Variants in CD59 observed in about 807,000 individuals in gnomAD.
CD59 encodes the protein CD59 glycoprotein.
CD59 carries 3 observed loss-of-function variants against 7.0 expected under a neutral mutation model. The observed-to-expected ratio is 0.43, with a 90% confidence interval of 0.19 to 1.10. CD59 has a LOEUF of 1.10. Among genes scored for constraint, CD59 ranks in the 50% least tolerant of loss-of-function variants. The pLI is 0.29. For synonymous variants in CD59, 60 were observed against 62.0 expected (o/e 0.97, Z 0.15); for missense variants, 143 against 151.0 (o/e 0.95, Z 0.28).
intron 3 of CD59, among the ~76,000 whole-genome samples, chr11:33,714,155 T>C (rs1240804545): frequency 2.0e-5 from 3 of 152,236 alleles, no homozygotes; most frequent in African/African-American, 7.2e-5. Context: ...TTACTTTGTA[T>C]AGCACCATCA....
intron 1 of CD59, among the ~76,000 whole-genome samples, chr11:33,727,424 CAT>C (rs1296179611): frequency 6.6e-6 from 1 of 152,210 alleles, no homozygotes; most frequent in Admixed American, 6.5e-5. Context: ...ACAAAAACCA[CAT>C]GATTATCTCA....
Position 33,717,641 on chromosome 11 carries a change from A to T in CD59, c.68-170T>A, listed in dbSNP as rs546588054. The T allele has an allele frequency of 6.3e-6, 4 of 633,922 alleles. No individual in the cohort carries two copies. In the South Asian group the frequency reaches 6.7e-5, roughly 11 times the overall value. 39.3% of individuals were successfully genotyped at this position (633,922 alleles called of 1,614,324 possible). On this transcript the variant is annotated intron_variant, in intron 2 of 3. Transcript: ENST00000642928. ...CCAAATTCAAACTACAGTTCCAGCA[A>T]CATTTTTTGGACCCTGATGCAAGCA...
At chr11:33,724,978 T>TG (rs1202261998) in intron 1 of CD59, among the ~76,000 whole-genome samples, 2 of 151,940 alleles carry the variant, frequency 1.3e-5, no homozygotes, top group Non-Finnish European at 2.9e-5. Flanking sequence ...TGTATGTGTA[T>TG]GGGGGGCGGA....
intron 1 of CD59, among the ~76,000 whole-genome samples, chr11:33,732,698 C>T (rs1854454612): frequency 6.6e-6 from 1 of 152,132 alleles, no homozygotes; most frequent in Non-Finnish European, 1.5e-5. Context: ...ATAAGGTAAA[C>T]TGAACCTTTG....
At chr11:33,733,343 G>A (rs1171215515) in intron 1 of CD59, among the ~76,000 whole-genome samples, 1 of 152,210 alleles carries the variant, frequency 6.6e-6, no homozygotes, top group East Asian at 1.9e-4. Flanking sequence ...AAGGCCGAGT[G>A]TGGTGGCTCA....
At chr11:33,728,805 T>G (rs1445107215) in intron 1 of CD59, among the ~76,000 whole-genome samples, 2 of 150,316 alleles carry the variant, frequency 1.3e-5, no homozygotes, top group African/African-American at 4.9e-5. Context: ...AATCTACAAA[T>G]AAACAAATTT....
chr11:33,736,082 C>G lies in CD59; in HGVS notation c.-19+300G>C, dbSNP rs1006903869. 6.6e-6 allele frequency among the ~76,000 whole-genome samples: 1 copy of G among 152,090 alleles called. No individual in the cohort carries two copies. Among genetic ancestry groups the G allele is most frequent in the African/African-American group, 2.4e-5 (1 of 41,438 alleles). On this transcript the variant is annotated intron_variant, in intron 1 of 3. Transcript: ENST00000642928. The surrounding 1 kb of genome is among the most constrained non-coding windows in gnomAD (Gnocchi z 4.4). ...TGAGACGAAAGCGATGGCAGGGGCC[C>G]GGGTGCGAGGCTGCCCCCGAGGGAA... is the stretch of plus-strand genomic sequence containing the variant.
At chr11:33,717,328 T>C (rs1853839667) in intron 3 of CD59, 42 bp downstream of exon 3, 11 of 1,302,754 alleles carry the variant, frequency 8.4e-6, no homozygotes, top group African/African-American at 1.5e-5. Flanking sequence ...CAGGCACTTA[T>C]TACCCCATTA....
rs995946762 is a variant in CD59, at chr11:33,708,612, A to C, written c.*1514T>G. ...TACTTCCTCAGGCCAAAAAAAAAAAAAAAAACCTATTGATGTAAGGAAAGA... is the reference window on the plus strand; with the variant it reads ...TACTTCCTCAGGCCAAAAAAAAAAACAAAAACCTATTGATGTAAGGAAAGA... On this transcript the variant is annotated 3_prime_UTR_variant, in exon 4 of 4. Transcript: ENST00000642928. 1 of 152,138 alleles carries C rather than the reference A, an allele frequency of 6.6e-6. No individual in the cohort carries two copies. Among genetic ancestry groups the C allele is most frequent in the Non-Finnish European group, 1.5e-5 (1 of 68,030 alleles). The allele number at this position is 152,138 out of a possible 1,614,324, so 9.4% of individuals were successfully genotyped here.
intron 2 of CD59, among the ~76,000 whole-genome samples, chr11:33,721,892 C>T (rs185612937): frequency 6.6e-6 from 1 of 152,308 alleles, no homozygotes; most frequent in East Asian, 1.9e-4. Flanking sequence ...TAAGCAAATA[C>T]ACGTAAAATG....
In CD59 at chr11:33,728,928, C is replaced by T. The variant is rs974385673; in HGVS notation, c.-18-6465G>A. Among the ~76,000 whole-genome samples the T allele has an allele frequency of 5.9e-5, 9 of 152,368 alleles. No individual in the cohort carries two copies. The South Asian group carries it at 6.2e-4, about 11-fold the overall frequency. On this transcript the variant is annotated intron_variant, in intron 1 of 3. Transcript: ENST00000642928. ...ACTTATGAAAAAATGCTCACCATCA[C>T]TGGTCATTAGAGAAATGCAAATCAA...
At chr11:33,729,941 C>T (rs2133571346) in intron 1 of CD59, among the ~76,000 whole-genome samples, 1 of 152,006 alleles carries the variant, frequency 6.6e-6, no homozygotes, top group East Asian at 1.9e-4. Flanking sequence ...CATTTATATG[C>T]AATTTTTTTT....
intron 1 of CD59, chr11:33,731,414 G>A (rs1854413354): frequency 6.6e-6 from 1 of 152,104 alleles, no homozygotes; most frequent in Admixed American, 6.5e-5. Flanking sequence ...TCACTCATCA[G>A]TATACTTACT....
intron 2 of CD59, among the ~76,000 whole-genome samples, chr11:33,721,596 T>C (rs1854065433): frequency 1.3e-5 from 2 of 152,210 alleles, no homozygotes; most frequent in Admixed American, 6.5e-5. Flanking sequence ...ATCTTTACAA[T>C]GAAGCATGTG....
At chr11:33,714,783 A>G (rs1031737712) in intron 3 of CD59, among the ~76,000 whole-genome samples, 8 of 152,136 alleles carry the variant, frequency 5.3e-5, no homozygotes, top group Non-Finnish European at 1.0e-4. Flanking sequence ...CTAGTCCTAC[A>G]TAGGGTCTGG....
intron 3 of CD59, among the ~76,000 whole-genome samples, chr11:33,716,106 G>C (rs771157132): frequency 1.3e-5 from 2 of 152,168 alleles, no homozygotes; most frequent in South Asian, 2.1e-4. Context: ...TCTTCCAGTG[G>C]GGGCAGAGGG....
rs148846639 is a variant in CD59, at chr11:33,713,136, C to T, written c.170-2793G>A. 4.4e-3 allele frequency among the ~76,000 whole-genome samples: 667 copies of T among 152,154 alleles called. 6 individuals carry two copies. Among genetic ancestry groups the T allele is most frequent in the African/African-American group, 0.016 (648 of 41,504 alleles). On this transcript the variant is annotated intron_variant, in intron 3 of 3. Coordinates refer to ENST00000642928, the MANE Select transcript of CD59 (RefSeq NM_000611.6). ...AAAATAAAGGCCAGAAGTATATACT[C>T]CAAGTATCTTATCACAGTTTTTTTA... is the stretch of plus-strand genomic sequence containing the variant.
intron 3 of CD59, among the ~76,000 whole-genome samples, chr11:33,715,544 G>A (rs1853751051): frequency 1.3e-5 from 2 of 152,132 alleles, no homozygotes; most frequent in South Asian, 4.1e-4. Flanking sequence ...AGGTTGCAGT[G>A]AGCCAAGATT....
chr11:33,726,328 GTC>G, intron 1 of CD59, among the ~76,000 whole-genome samples: 1 of 152,256 alleles, frequency 6.6e-6, no homozygotes, highest in East Asian at 1.9e-4. Flanking sequence ...ACAACAAACT[GTC>G]TCTCAGAACA....
Sources: gnomAD v4.1 joint callset for allele counts (sites outside exome capture counted in the v4.1 genomes callset) on GRCh38, gnomAD v4.1.1 for gene constraint, Gnocchi (gnomAD v3.1) non-coding constraint, MANE v1.5 for transcripts, NCBI Gene and HGNC (gene_info 2026-07-23, HGNC 2026-07-21) for gene names.